Variants in NCAM1 observed in about 807,000 individuals in gnomAD.
NCAM1 encodes the protein antigen recognized by monoclonal antibody 5.1H11.
NCAM1 carries 14 observed loss-of-function variants against 109.8 expected under a neutral mutation model. The ratio of observed to expected loss-of-function variants is 0.13; its 90% CI spans 0.08 to 0.20. The LOEUF is 0.20. Among genes scored for constraint, NCAM1 ranks in the 10% least tolerant of loss-of-function variants. The pLI, the probability that NCAM1 is intolerant of heterozygous loss-of-function variation, is 1.00. For missense variants in NCAM1, 774 were observed against 1,109.9 expected (o/e 0.70, Z 4.30); for synonymous variants, 418 against 442.9 (o/e 0.94, Z 0.70).
chr11:112,990,464 C>T (rs782302723), intron 1 of NCAM1, among the ~76,000 whole-genome samples: 2 of 152,134 alleles, frequency 1.3e-5, no homozygotes, highest in Non-Finnish European at 2.9e-5. Flanking sequence ...GGGACTGTAG[C>T]CAGTCTCAGA....
At chr11:113,067,830 T>G (rs957399100) in intron 1 of NCAM1, among the ~76,000 whole-genome samples, 70 of 152,108 alleles carry the variant, frequency 4.6e-4, no homozygotes, top group African/African-American at 1.6e-3. Flanking sequence ...AAGGGCTGTC[T>G]CTATTGGGAG....
chr11:113,257,387 C>G (rs1370456498), intron 16 of NCAM1, among the ~76,000 whole-genome samples: 2 of 152,238 alleles, frequency 1.3e-5, no homozygotes, highest in Non-Finnish European at 2.9e-5. Context: ...TTCAATTTCT[C>G]CATCTGTAAA....
rs781890771 is a variant in NCAM1 at position 113,270,349 on chromosome 11, C to A, written c.2293C>A (p.Pro765Thr). The change falls in exon 18 of 20, where the codon CCC (proline) becomes ACC (threonine). Residue 765 changes from proline to threonine, a missense_variant. Around this residue, in one of 4 missense-constraint regions of NCAM1, gnomAD observed 122 missense variants for 129.7 expected, o/e 0.94. Coordinates refer to ENST00000316851, the MANE Select transcript of NCAM1 (RefSeq NM_181351.5). ...GGTCAACCTGTGTGGAAAAGCCGGG[C>A]CCGGGGCCAAGGGCAAGGACATGGA... The part of the protein sequence containing the change: ...IAVNLCGKAG[P>T]GAKGKDMEEG... 1.9e-6 allele frequency: 3 copies of A among 1,614,006 alleles called. No homozygotes were observed. Among genetic ancestry groups the A allele is most frequent in the Non-Finnish European group, 2.5e-6 (3 of 1,179,896 alleles).
chr11:113,161,605 A>G (rs1774661208), intron 1 of NCAM1, among the ~76,000 whole-genome samples: 1 of 152,252 alleles, frequency 6.6e-6, no homozygotes, highest in South Asian at 2.1e-4. Flanking sequence ...CTTTTATCAT[A>G]GATAAACCAC....
At chr11:113,200,537 C>T (rs1944018679) in intron 1 of NCAM1, among the ~76,000 whole-genome samples, 1 of 152,184 alleles carries the variant, frequency 6.6e-6, no homozygotes, top group Non-Finnish European at 1.5e-5. Context: ...GGAAAGATCA[C>T]CTACCCGGAG....
At chr11:113,043,239 G>A (rs1399467997) in intron 1 of NCAM1, among the ~76,000 whole-genome samples, 7 of 152,140 alleles carry the variant, frequency 4.6e-5, no homozygotes, top group Admixed American at 6.6e-5. Context: ...ATAGAGGTGT[G>A]ATATGCCTGT....
At chr11:113,250,335 G>A (rs890267726) in intron 15 of NCAM1, among the ~76,000 whole-genome samples, 20 of 152,282 alleles carry the variant, frequency 1.3e-4, no homozygotes, top group Admixed American at 7.8e-4. Context: ...TTTGTTTGTC[G>A]TCGAGGGCTA....
intron 1 of NCAM1, among the ~76,000 whole-genome samples, chr11:113,063,266 T>G (rs1937764632): frequency 6.6e-6 from 1 of 152,210 alleles, no homozygotes; most frequent in Non-Finnish European, 1.5e-5. Context: ...GATAGCACTT[T>G]CCTGAGATTC....
chr11:112,975,458 C>T (rs1196051635), intron 1 of NCAM1, among the ~76,000 whole-genome samples: 4 of 151,960 alleles, frequency 2.6e-5, no homozygotes, highest in Non-Finnish European at 5.9e-5. Context: ...TTTGTTTATA[C>T]TTGTAATATT....
At chr11:113,084,853 G>A (rs1017085357) in intron 1 of NCAM1, among the ~76,000 whole-genome samples, 11 of 152,210 alleles carry the variant, frequency 7.2e-5, no homozygotes, top group Non-Finnish European at 1.3e-4. Flanking sequence ...ACCCAGTAGT[G>A]TCCTTGTGAG....
chr11:113,184,131 G>GA (rs367881894), intron 1 of NCAM1, among the ~76,000 whole-genome samples: 322 of 152,156 alleles, frequency 2.1e-3, no homozygotes, highest in African/African-American at 7.4e-3. Context: ...GAGAGGAGGG[G>GA]AAAAAATCAA....
At chr11:113,008,640 C>T (rs1555073744) in intron 1 of NCAM1, among the ~76,000 whole-genome samples, 1 of 152,138 alleles carries the variant, frequency 6.6e-6, no homozygotes, top group Admixed American at 6.5e-5. Context: ...TAAATAGTTC[C>T]ATCGAGTCAC....
At chr11:112,986,316 A>AT (rs1424025758) in intron 1 of NCAM1, among the ~76,000 whole-genome samples, 1 of 151,958 alleles carries the variant, frequency 6.6e-6, no homozygotes, top group South Asian at 2.1e-4. Flanking sequence ...GTTTGCTAGT[A>AT]TTTTTTTGAG....
intron 1 of NCAM1, among the ~76,000 whole-genome samples, chr11:113,059,956 A>C (rs1048371910): frequency 1.4e-4 from 21 of 152,244 alleles, no homozygotes; most frequent in African/African-American, 5.1e-4. Context: ...GAGCCAGGAC[A>C]TATCTCCCTT....
intron 1 of NCAM1, among the ~76,000 whole-genome samples, chr11:113,152,424 T>C (rs1942255338): frequency 1.3e-5 from 2 of 152,232 alleles, no homozygotes; most frequent in Non-Finnish European, 2.9e-5. Context: ...AGCCAATATA[T>C]GAAACAAATC....
chr11:112,997,246 C>T (rs113309902), intron 1 of NCAM1, among the ~76,000 whole-genome samples: 14 of 152,134 alleles, frequency 9.2e-5, no homozygotes, highest in East Asian at 7.7e-4. Context: ...GAGAAAATAA[C>T]GACTCAGAAT....
At chr11:113,012,621 G>T (rs1489703590) in intron 1 of NCAM1, among the ~76,000 whole-genome samples, 1 of 152,138 alleles carries the variant, frequency 6.6e-6, no homozygotes, top group Non-Finnish European at 1.5e-5. Flanking sequence ...GTAGTTGTTG[G>T]CAATCCTTGG....
chr11:113,118,767 A>G (rs918284044), intron 1 of NCAM1, among the ~76,000 whole-genome samples: 15 of 151,926 alleles, frequency 9.9e-5, no homozygotes, highest in Non-Finnish European at 4.4e-5. Context: ...CAGAAGCTGG[A>G]CTACTGAATT....
chr11:113,022,325 C>T (rs1289190745), intron 1 of NCAM1, among the ~76,000 whole-genome samples: 1 of 152,140 alleles, frequency 6.6e-6, no homozygotes, highest in Admixed American at 6.5e-5. Context: ...CTGAACAGCA[C>T]CATCAGAGCT....
Sources: gnomAD v4.1 joint callset for allele counts (sites outside exome capture counted in the v4.1 genomes callset) on GRCh38, gnomAD v4.1.1 for gene constraint, gnomAD v4.1.1 regional missense constraint, MANE v1.5 for transcripts, NCBI Gene and HGNC (gene_info 2026-07-23, HGNC 2026-07-21) for gene names.